The following ZNF511 variants were observed in gnomAD, a reference collection of about 807,000 sequenced individuals.
The protein encoded by ZNF511 is zinc finger protein 511.
In ZNF511, 26 loss-of-function variants were observed where a neutral mutation model predicts 24.8. That is an observed-to-expected ratio of 1.05 (90% confidence interval 0.77 to 1.46). The LOEUF (loss-of-function observed/expected upper bound fraction) is 1.46. Ranked by LOEUF, ZNF511 falls within the 40% of genes most tolerant of loss-of-function variation. The probability of loss-of-function intolerance (pLI) is 0.00; values close to 1 mark genes in which losing one functional copy is unlikely to be tolerated. For synonymous variants in ZNF511, 144 were observed against 139.6 expected (o/e 1.03, Z -0.22); for missense variants, 358 against 345.0 (o/e 1.04, Z -0.30).
In ZNF511 at chr10:133,308,954, C is replaced by G. The variant is rs1038456044; in HGVS notation, c.11C>G (p.Pro4Arg). The change falls in exon 1 of 6, where the codon CCC becomes CGC. Residue 4 changes from proline to arginine, a missense_variant. Physicochemically the swap from Pro to Arg is moderately radical, Grantham distance 103. Coordinates refer to ENST00000361518, the MANE Select transcript of ZNF511 (RefSeq NM_145806.4). MQL[P>R]PALCARLAAG... Reference sequence around the variant, plus strand: ...CCCGCGCCCGGGGTGATGCAGTTGCCCCCCGCGCTGTGCGCCCGCCTCGCT... The same window carrying G: ...CCCGCGCCCGGGGTGATGCAGTTGCGCCCCGCGCTGTGCGCCCGCCTCGCT... 3 of 1,236,870 alleles carry G rather than the reference C, an allele frequency of 2.4e-6. No individual in the cohort carries two copies. The highest frequency in any genetic ancestry group is 3.2e-5 in the East Asian group (1 of 30,940). The allele number at this position is 1,236,870 out of a possible 1,614,324, so 76.6% of individuals were successfully genotyped here.
At chr10:133,311,041 G>A (rs1341788226) in intron 4 of ZNF511, among the ~76,000 whole-genome samples, 2 of 152,192 alleles carry the variant, frequency 1.3e-5, no homozygotes, top group African/African-American at 4.8e-5. Flanking sequence ...GGCTCAAGCC[G>A]TCCATCTGCC....
intron 5 of ZNF511, chr10:133,312,212 T>C: frequency 7.2e-7 from 1 of 1,394,082 alleles, no homozygotes; most frequent in Non-Finnish European, 9.3e-7. Flanking sequence ...TCTGCGTTTC[T>C]AGCGTCACCT....
chr10:133,312,213 A>C, intron 5 of ZNF511: 2 of 1,395,862 alleles, frequency 1.4e-6, no homozygotes, highest in Non-Finnish European at 1.9e-6. Context: ...CTGCGTTTCT[A>C]GCGTCACCTG....
chr10:133,310,631 A>C, intron 4 of ZNF511: 1 of 325,196 alleles, frequency 3.1e-6, no homozygotes, highest in Non-Finnish European at 5.9e-6. Context: ...ATCCGCACTC[A>C]CACCCCTCGG....
At position 133,310,083 on chromosome 10, in the gene ZNF511, G is replaced by A. The variant is rs960286115; in HGVS notation, c.430-81G>A. 6.2e-6 allele frequency: 10 copies of A among 1,610,632 alleles called. No individual in the cohort carries two copies. In the Admixed American group the frequency reaches 6.7e-5, roughly 11 times the overall value. On this transcript the variant is annotated intron_variant, in intron 3 of 5. Coordinates refer to ENST00000361518, the MANE Select transcript of ZNF511 (RefSeq NM_145806.4). ...CGGGCAAGGCCGGGGACACCTTTCC[G>A]CCCTTGGCAGCTCTGCTACGGGGGC...
chr10:133,311,982 A>G, intron 5 of ZNF511, 141 bp downstream of exon 5: 1 of 1,608,846 alleles, frequency 6.2e-7, no homozygotes, highest in African/African-American at 1.3e-5. Flanking sequence ...TCCGCCAGAG[A>G]AGAAAGTCCA....
In ZNF511 at chr10:133,312,839, C is replaced by T. The variant is rs1030436400; in HGVS notation, c.732C>T (p.Ser244=). The change falls in exon 6 of 6, where the codon AGC becomes AGT. Residue 244 remains serine (S), a synonymous_variant. Coordinates refer to ENST00000361518, the MANE Select transcript of ZNF511 (RefSeq NM_145806.4). Reference sequence around the variant, plus strand: ...AGGGTGCCGCTCGAGGATTTAAAAGCAACAAGAAGAAAACCAAACAATGCT... The same window carrying T: ...AGGGTGCCGCTCGAGGATTTAAAAGTAACAAGAAGAAAACCAAACAATGCT... The part of the protein sequence containing the change: ...FGQGAARGFK[S]NKKKTKQC 1 of 1,614,204 alleles carries T rather than the reference C, an allele frequency of 6.2e-7. No individual in the cohort carries two copies. Among genetic ancestry groups the T allele is most frequent in the Non-Finnish European group, 8.5e-7 (1 of 1,180,040 alleles).
intron 2 of ZNF511, 33 bp downstream of exon 2, chr10:133,309,496 C>T (rs997050056): frequency 5.0e-5 from 80 of 1,599,336 alleles, no homozygotes; most frequent in East Asian, 6.8e-5. Flanking sequence ...GCCAGTGCTA[C>T]TCCTGCGCCG....
At chr10:133,309,207 G>A in intron 1 of ZNF511, 111 bp downstream of exon 1, 1 of 1,359,800 alleles carries the variant, frequency 7.4e-7, no homozygotes, top group East Asian at 2.7e-5. Context: ...GGGCGGGGCC[G>A]GAGCCTGGGA....
At chr10:133,309,240 G>A (rs1439827270) in intron 1 of ZNF511, 144 bp downstream of exon 1, 6 of 1,185,360 alleles carry the variant, frequency 5.1e-6, no homozygotes, top group Admixed American at 6.6e-5. Context: ...GAGGTGGTGG[G>A]GCGGGGCCGG....
intron 5 of ZNF511, 50 bp from the exon 6 acceptor site, chr10:133,312,738 G>C: frequency 1.9e-6 from 3 of 1,613,862 alleles, no homozygotes; most frequent in Non-Finnish European, 2.5e-6. Context: ...TATGACCTGG[G>C]TTGTTGGTTG....
In ZNF511 at chr10:133,311,456, A is replaced by G. The variant is rs1461403388; in HGVS notation, c.555-260A>G. On this transcript the variant is annotated intron_variant, in intron 4 of 5. Coordinates refer to ENST00000361518, the MANE Select transcript of ZNF511 (RefSeq NM_145806.4). ...CCGTGGCACCGTTGGCACCATAAAAATACTATTTTCAAAAAAAAGTATGAT... is the reference window on the plus strand; with the variant it reads ...CCGTGGCACCGTTGGCACCATAAAAGTACTATTTTCAAAAAAAAGTATGAT... 2.6e-5 allele frequency among the ~76,000 whole-genome samples: 4 copies of G among 152,226 alleles called. No individual in the cohort carries two copies. In the South Asian group the frequency reaches 8.3e-4, roughly 32 times the overall value.
At chr10:133,312,465 GC>G in intron 5 of ZNF511, 20 of 1,237,014 alleles carry the variant, frequency 1.6e-5, no homozygotes, top group Non-Finnish European at 2.0e-5. Flanking sequence ...CTGTGAATGA[GC>G]CCCGGGGGGC....
rs750059509 is a variant in ZNF511 at position 133,309,373 on chromosome 10, G to C, written c.154-17G>C. On this transcript the variant is annotated splice_polypyrimidine_tract_variant and intron_variant, in intron 1 of 5. Transcript: ENST00000361518. Reference sequence around the variant, plus strand: ...CGCGAGTCACCTGGCCCCGCCCACGGCGCACTTTTCCTGCAGGATGGGGAC... The same window carrying C: ...CGCGAGTCACCTGGCCCCGCCCACGCCGCACTTTTCCTGCAGGATGGGGAC... 30 of 1,608,768 alleles carry C rather than the reference G, an allele frequency of 1.9e-5. No homozygotes were observed. In the Admixed American group the frequency reaches 5.0e-4, roughly 27 times the overall value.
intron 5 of ZNF511, 139 bp from the exon 6 acceptor site, chr10:133,312,649 C>T (rs1848017788): frequency 1.3e-6 from 2 of 1,538,496 alleles, no homozygotes; most frequent in Non-Finnish European, 8.7e-7. Context: ...GGAGCTGCCC[C>T]AGGGCCCAGG....
chr10:133,313,074 G>A lies in ZNF511; in HGVS notation c.*208G>A. On this transcript the variant is annotated 3_prime_UTR_variant, in exon 6 of 6. Transcript: ENST00000361518. Reference sequence around the variant, plus strand: ...TGGAAACGACCTGGACACACTATTGGGAAGGAGATGTGGACGGCCTGTCTC... The same window carrying A: ...TGGAAACGACCTGGACACACTATTGAGAAGGAGATGTGGACGGCCTGTCTC... 1 of 1,347,092 alleles carries A rather than the reference G, an allele frequency of 7.4e-7. No homozygotes were observed. The highest frequency in any genetic ancestry group is 9.7e-7 in the Non-Finnish European group (1 of 1,027,752). The allele number at this position is 1,347,092 out of a possible 1,614,324, so 83.4% of individuals were successfully genotyped here. A position where few individuals can be genotyped will look rare whatever the true frequency, so the allele number is the denominator to read the frequency against.
intron 5 of ZNF511, chr10:133,312,506 C>A (rs923191990): frequency 1.5e-6 from 2 of 1,324,224 alleles, no homozygotes; most frequent in African/African-American, 1.5e-5. Context: ...ATGGAATGGA[C>A]ATGGGGTAGC....
chr10:133,310,259 C>G lies in ZNF511; in HGVS notation c.525C>G (p.Phe175Leu). The G allele has an allele frequency of 1.2e-6, 2 of 1,614,010 alleles. No individual in the cohort carries two copies. The highest frequency in any genetic ancestry group is 1.1e-5 in the South Asian group (1 of 91,092). The change falls in exon 4 of 6, where the codon TTC becomes TTG. Residue 175 changes from phenylalanine to leucine, a missense_variant. Coordinates refer to ENST00000361518, the MANE Select transcript of ZNF511 (RefSeq NM_145806.4). ...GGATGCACCTGTACCCCGCGGACTT[C>G]CGGTTTGATAAGCCAAAGAAAAGCA... ...MVRMHLYPAD[F>L]RFDKPKKSRS... is the part of the protein sequence containing the mutation.
rs1372700349 is a variant in ZNF511 at position 133,309,450 on chromosome 10, C to T, written c.214C>T (p.Pro72Ser). 2.5e-6 allele frequency: 4 copies of T among 1,612,372 alleles called. No homozygotes were observed. The highest frequency in any genetic ancestry group is 3.4e-6 in the Non-Finnish European group (4 of 1,179,674). The part of the protein sequence containing the change: ...QDVIMQVADV[P>S]EKPRVPAFAC... ...CGTGATCATGCAGGTGGCCGACGTG[C>T]CTGAGAAGCCCAGGTAAGCGAATGG... The change falls in exon 2 of 6, where the codon CCT becomes TCT. Residue 72 changes from proline to serine, a missense_variant. Physicochemically the swap from Pro to Ser is moderately conservative, Grantham distance 74. Coordinates refer to ENST00000361518, the MANE Select transcript of ZNF511 (RefSeq NM_145806.4).
Sources: allele counts gnomAD v4.1 joint callset (sites outside exome capture counted in the v4.1 genomes callset), GRCh38; gene constraint gnomAD v4.1.1; transcripts MANE v1.5; gene names NCBI Gene and HGNC (gene_info 2026-07-23, HGNC 2026-07-21).